The following TIGD5 variants were observed in gnomAD, a reference collection of about 807,000 sequenced individuals.
The protein encoded by TIGD5 is tigger transposable element-derived protein 5.
TIGD5 carries 24 observed loss-of-function variants against 28.8 expected under a neutral mutation model. The ratio of observed to expected loss-of-function variants is 0.83; its 90% CI spans 0.60 to 1.17. The LOEUF is 1.17. Among genes scored for constraint, TIGD5 ranks in the 50% most tolerant of loss-of-function variants. TIGD5 has a pLI of 0.00. For synonymous variants in TIGD5, 538 were observed against 430.5 expected, an observed-to-expected ratio of 1.25 and a Z score of -3.09; for missense variants, 922 against 911.4, an observed-to-expected ratio of 1.01 and a Z score of -0.15.
In TIGD5 at chr8:143,598,321, G is replaced by T; in HGVS notation, c.418G>T (p.Val140Leu). The T allele has an allele frequency of 6.2e-7, 1 of 1,608,156 alleles. No homozygotes were observed. The highest frequency in any genetic ancestry group is 8.5e-7 in the Non-Finnish European group (1 of 1,178,280). Reference sequence around the variant, plus strand: ...GTTCCTGGCGCTGCGCCAGCACGGGGTGCCGCTGTCTGGCCCGCTCATCCA... The same window carrying T: ...GTTCCTGGCGCTGCGCCAGCACGGGTTGCCGCTGTCTGGCCCGCTCATCCA... ...AWFLALRQHG[V>L]PLSGPLIQAQ... The change falls in exon 1 of 1, where the codon GTG (valine) becomes TTG (leucine). Residue 140 changes from valine (V) to leucine (L), a missense_variant. Val to Leu is a conservative substitution (Grantham distance 32). Transcript: ENST00000504548. This position sits in a 1 kb window ranked among gnomAD's most constrained non-coding sequence, Gnocchi z 6.6.
chr8:143,603,209 G>T lies in TIGD5; in HGVS notation c.*3377G>T, dbSNP rs1829297755. On this transcript the variant is annotated 3_prime_UTR_variant, in exon 1 of 1. Coordinates refer to ENST00000504548, the MANE Select transcript of TIGD5 (RefSeq NM_032862.5). ...GCTTTATCTAATAAAGGCTGGACAT[G>T]TCCACTTCATGAGCATCCCTGTTTT... 6.6e-6 allele frequency: 1 copy of T among 152,228 alleles called. No individual in the cohort carries two copies. Among genetic ancestry groups the T allele is most frequent in the Non-Finnish European group, 1.5e-5 (1 of 68,046 alleles). 9.4% of individuals were successfully genotyped at this position (152,228 alleles called of 1,614,324 possible).
rs2131392658 is a variant in TIGD5, at chr8:143,602,444, C to T, written c.*2612C>T. On this transcript the variant is annotated 3_prime_UTR_variant, in exon 1 of 1. Transcript: ENST00000504548. ...TCAGTGTCTGAAGTGATGGAAAGACCCCAGGGTTGGTGGCTGTAGCGGCCC... is the reference window on the plus strand; with the variant it reads ...TCAGTGTCTGAAGTGATGGAAAGACTCCAGGGTTGGTGGCTGTAGCGGCCC... The T allele has an allele frequency of 6.6e-6, 1 of 152,364 alleles. No homozygotes were observed. The highest frequency in any genetic ancestry group is 6.5e-5 in the Admixed American group (1 of 15,306). The allele number at this position is 152,364 out of a possible 1,614,324, so 9.4% of individuals were successfully genotyped here.
rs1234457997 is a variant in TIGD5, at chr8:143,599,912, C to T, written c.*80C>T. ...CACAGTCTCCCATCTCTCCTCCCCTCCCCCTGGGGTGGCCCACCGCATGGG... is the reference window on the plus strand; with the variant it reads ...CACAGTCTCCCATCTCTCCTCCCCTTCCCCTGGGGTGGCCCACCGCATGGG... On this transcript the variant is annotated 3_prime_UTR_variant, in exon 1 of 1. Transcript: ENST00000504548. The T allele has an allele frequency of 7.3e-7, 1 of 1,375,912 alleles. No homozygotes were observed. Among genetic ancestry groups the T allele is most frequent in the Admixed American group, 2.8e-5 (1 of 35,592 alleles). 85.2% of individuals were successfully genotyped at this position (1,375,912 alleles called of 1,614,324 possible).
In TIGD5 at chr8:143,599,622, C is replaced by A. The variant is rs375071869; in HGVS notation, c.1719C>A (p.Asp573Glu). ...CCTCTGCCATGGGGGGCGGAGAGGA[C>A]GAGGAGGAGGCCACCGACTATGGAG... is the stretch of plus-strand genomic sequence containing the variant. Reference protein sequence around the residue: ...SLPSAMGGGEDEEEATDYGGT... With the variant: ...SLPSAMGGGEEEEEATDYGGT... The change falls in exon 1 of 1, where the codon GAC (aspartate) becomes GAA (glutamate). Residue 573 changes from aspartate (D) to glutamate (E), a missense_variant. Asp to Glu is a conservative substitution (Grantham distance 45). Transcript: ENST00000504548. 10 of 1,524,476 alleles carry A rather than the reference C, an allele frequency of 6.6e-6. No homozygotes were observed. The highest frequency in any genetic ancestry group is 8.8e-6 in the Non-Finnish European group (10 of 1,138,892). 94.4% of individuals were successfully genotyped at this position (1,524,476 alleles called of 1,614,324 possible).
In TIGD5 at chr8:143,598,191, C is replaced by T. The variant is rs150713379; in HGVS notation, c.288C>T (p.Pro96=). 59 of 1,605,490 alleles carry T rather than the reference C, an allele frequency of 3.7e-5. No individual in the cohort carries two copies. The African/African-American group carries it at 7.0e-4, about 19-fold the overall frequency. ...GTLRGWLKDE[P]KLRWFLEQLG... ...TGCGCGGCTGGCTCAAGGACGAGCC[C>T]AAGCTGCGCTGGTTCCTGGAGCAGC... The change falls in exon 1 of 1, where the codon CCC becomes CCT. Residue 96 remains proline (P), a synonymous_variant. Coordinates refer to ENST00000504548, the MANE Select transcript of TIGD5 (RefSeq NM_032862.5). This position sits in a 1 kb window ranked among gnomAD's most constrained non-coding sequence, Gnocchi z 6.6.
chr8:143,599,481 G>A lies in TIGD5; in HGVS notation c.1578G>A (p.Pro526=), dbSNP rs77619415. 2.2e-3 allele frequency: 3,497 copies of A among 1,592,032 alleles called. 63 individuals are homozygous for A. The African/African-American group carries it at 0.041, about 19-fold the overall frequency. Residue 526 remains proline (P), a synonymous_variant, in exon 1 of 1, where the codon CCG becomes CCA. Coordinates refer to ENST00000504548, the MANE Select transcript of TIGD5 (RefSeq NM_032862.5). ...LAALAYKCLA[P]EEVAEWLHLD... is the part of the protein sequence containing the mutation. The stretch of plus-strand genomic sequence containing the variant: ...CTCTGGCCTACAAGTGCCTGGCTCC[G>A]GAGGAGGTTGCGGAGTGGCTGCACC...
rs370096894 is a variant in TIGD5 at position 143,600,851 on chromosome 8, C to G, written c.*1019C>G. ...TGTCAAACCCTGGTTCTGTTCTGCTCTGGCCAGGTCTAGACCTACAGTCCT... is the reference window on the plus strand; with the variant it reads ...TGTCAAACCCTGGTTCTGTTCTGCTGTGGCCAGGTCTAGACCTACAGTCCT... On this transcript the variant is annotated 3_prime_UTR_variant, in exon 1 of 1. Transcript: ENST00000504548. 5 of 152,492 alleles carry G rather than the reference C, an allele frequency of 3.3e-5. No individual in the cohort carries two copies. Among genetic ancestry groups the G allele is most frequent in the Admixed American group, 1.3e-4 (2 of 15,310 alleles). The allele number at this position is 152,492 out of a possible 1,614,324, so 9.4% of individuals were successfully genotyped here.
chr8:143,599,582 C>T lies in TIGD5; in HGVS notation c.1679C>T (p.Ala560Val), dbSNP rs746612378. The T allele has an allele frequency of 2.6e-6, 4 of 1,535,912 alleles. No individual in the cohort carries two copies. Among genetic ancestry groups the T allele is most frequent in the Non-Finnish European group, 3.5e-6 (4 of 1,144,406 alleles). Reference sequence around the variant, plus strand: ...GCCCTGCCCCCTGCAGCGCCTCCGGCCCCAGCCAGTCTGCCCTCTGCCATG... The same window carrying T: ...GCCCTGCCCCCTGCAGCGCCTCCGGTCCCAGCCAGTCTGCCCTCTGCCATG... ...GPALPPAAPP[A>V]PASLPSAMGG... Residue 560 changes from alanine to valine, a missense_variant, in exon 1 of 1, where the codon GCC becomes GTC. Physicochemically the swap from Ala to Val is moderately conservative, Grantham distance 64. This residue lies in a region of TIGD5 where 821 missense variants were observed against 815.2 expected (regional missense o/e 1.01). Transcript: ENST00000504548.
chr8:143,598,012 C>CG lies in TIGD5; in HGVS notation c.109_110insG (p.Pro37ArgfsTer72). ...CCCCGTCCCCGCTGCACGGCCGCCG[C>CG]CCCCCGCGCCCGGGCCGCGGCCCCG... On this transcript the variant is annotated frameshift_variant, in exon 1 of 1. Coordinates refer to ENST00000504548, the MANE Select transcript of TIGD5 (RefSeq NM_032862.5). LOFTEE classifies it high-confidence loss of function. The surrounding 1 kb of genome is among the most constrained non-coding windows in gnomAD (Gnocchi z 6.6). 7.8e-7 allele frequency: 1 copy of CG among 1,284,488 alleles called. No homozygotes were observed. The highest frequency in any genetic ancestry group is 9.8e-7 in the Non-Finnish European group (1 of 1,015,762). The allele number at this position is 1,284,488 out of a possible 1,614,324, so 79.6% of individuals were successfully genotyped here.
rs1829171871 is a variant in TIGD5 at position 143,598,830 on chromosome 8, C to G, written c.927C>G (p.Asp309Glu). The G allele has an allele frequency of 6.2e-7, 1 of 1,601,176 alleles. No individual in the cohort carries two copies. Among genetic ancestry groups the G allele is most frequent in the Non-Finnish European group, 8.5e-7 (1 of 1,179,598 alleles). ...DPPSLRHHNQ[D>E]KFPASYRYSP... ...CCAGCCTGCGCCACCACAACCAGGA[C>G]AAGTTCCCGGCCTCCTACCGCTACA... The change falls in exon 1 of 1, where the codon GAC becomes GAG. Residue 309 changes from aspartate to glutamate, a missense_variant. Physicochemically the swap from Asp to Glu is conservative, Grantham distance 45 (BLOSUM62 2). This residue lies in a region of TIGD5 where 821 missense variants were observed against 815.2 expected (regional missense o/e 1.01). Coordinates refer to ENST00000504548, the MANE Select transcript of TIGD5 (RefSeq NM_032862.5). The surrounding 1 kb of genome is among the most constrained non-coding windows in gnomAD (Gnocchi z 6.6).
Position 143,598,502 on chromosome 8 carries a change from G to C in TIGD5, c.599G>C (p.Gly200Ala), listed in dbSNP as rs1425133779. 23 of 1,369,244 alleles carry C rather than the reference G, an allele frequency of 1.7e-5. No individual in the cohort carries two copies. Among genetic ancestry groups the C allele is most frequent in the Non-Finnish European group, 2.0e-5 (21 of 1,067,304 alleles). The allele number at this position is 1,369,244 out of a possible 1,614,324, so 84.8% of individuals were successfully genotyped here. The change falls in exon 1 of 1, where the codon GGC (glycine) becomes GCC (alanine). Residue 200 changes from glycine to alanine, a missense_variant. Physicochemically the swap from Gly to Ala is moderately conservative, Grantham distance 60. Transcript: ENST00000504548. The surrounding 1 kb of genome is among the most constrained non-coding windows in gnomAD (Gnocchi z 6.6). The stretch of plus-strand genomic sequence containing the variant: ...CCCCCAGCCCCGAGCCCCGCGCCCG[G>C]CCCGCCCGTCAAGGAGGAGCCCGCG... ...AGPPAPSPAP[G>A]PPVKEEPALP...
In TIGD5 at chr8:143,599,386, G is replaced by A; in HGVS notation, c.1483G>A (p.Gly495Arg). Residue 495 changes from glycine (G) to arginine (R), a missense_variant, in exon 1 of 1, where the codon GGG (glycine) becomes AGG (arginine). Transcript: ENST00000504548. ...FEPRPGEDSA[G>R]QPAQAEEAAE... Reference sequence around the variant, plus strand: ...GCCCCGGCCCGGCGAGGACAGTGCTGGGCAGCCGGCCCAGGCCGAGGAAGC... The same window carrying A: ...GCCCCGGCCCGGCGAGGACAGTGCTAGGCAGCCGGCCCAGGCCGAGGAAGC... 3 of 1,568,800 alleles carry A rather than the reference G, an allele frequency of 1.9e-6. No individual in the cohort carries two copies. The highest frequency in any genetic ancestry group is 2.6e-6 in the Non-Finnish European group (3 of 1,158,040).
chr8:143,598,537 G>A lies in TIGD5; in HGVS notation c.634G>A (p.Gly212Ser). 1 of 1,307,220 alleles carries A rather than the reference G, an allele frequency of 7.6e-7. No homozygotes were observed. Among genetic ancestry groups the A allele is most frequent in the Non-Finnish European group, 9.7e-7 (1 of 1,033,632 alleles). The allele number at this position is 1,307,220 out of a possible 1,614,324, so 81.0% of individuals were successfully genotyped here. Residue 212 changes from glycine to serine, a missense_variant, in exon 1 of 1, where the codon GGC becomes AGC. Transcript: ENST00000504548. This position sits in a 1 kb window ranked among gnomAD's most constrained non-coding sequence, Gnocchi z 6.6. ...PVKEEPALPS[G>S]AGPLPDRAPA... is the part of the protein sequence containing the mutation. ...CAAGGAGGAGCCCGCGCTGCCCTCC[G>A]GCGCCGGCCCCCTGCCCGACCGCGC...
rs1179296187 is a variant in TIGD5 at position 143,599,235 on chromosome 8, C to G, written c.1332C>G (p.Ser444=). ...TGGCTGTGTCCTGCGCCAGCGGCTC[C>G]CCGCTGGACTTCATGCGCAGCTTCA... ...LRLAVSCASG[S]PLDFMRSFML... Residue 444 remains serine, a synonymous_variant, in exon 1 of 1, where the codon TCC becomes TCG. Transcript: ENST00000504548. 1 of 1,611,584 alleles carries G rather than the reference C, an allele frequency of 6.2e-7. No individual in the cohort carries two copies. The highest frequency in any genetic ancestry group is 8.5e-7 in the Non-Finnish European group (1 of 1,179,698).
At position 143,597,972 on chromosome 8, in the gene TIGD5, CGCG is replaced by C; in HGVS notation, c.70_72del (p.Ala24del). The C allele has an allele frequency of 1.1e-6, 1 of 921,004 alleles. No individual in the cohort carries two copies. The highest frequency in any genetic ancestry group is 1.8e-5 in the African/African-American group (1 of 55,488). 57.1% of individuals were successfully genotyped at this position (921,004 alleles called of 1,614,324 possible). A position where few individuals can be genotyped will look rare whatever the true frequency, so the allele number is the denominator to read the frequency against. Reference sequence around the variant, plus strand: ...GCCGCCGTCCCCTGCCCGGGCCCCCCGCGCCCGCCCCAGCCCCCGTCCCCGCTG... The same window carrying C: ...GCCGCCGTCCCCTGCCCGGGCCCCCCCCCGCCCCAGCCCCCGTCCCCGCTG... On this transcript the variant is annotated inframe_deletion, in exon 1 of 1. Coordinates refer to ENST00000504548, the MANE Select transcript of TIGD5 (RefSeq NM_032862.5).
chr8:143,599,253 C>G lies in TIGD5; in HGVS notation c.1350C>G (p.Arg450=), dbSNP rs1327934008. 5.0e-6 allele frequency: 8 copies of G among 1,611,656 alleles called. No individual in the cohort carries two copies. Among genetic ancestry groups the G allele is most frequent in the South Asian group, 1.1e-5 (1 of 90,884 alleles). Residue 450 remains arginine, a synonymous_variant, in exon 1 of 1, where the codon CGC becomes CGG. Transcript: ENST00000504548. Reference sequence around the variant, plus strand: ...GCGGCTCCCCGCTGGACTTCATGCGCAGCTTCATGCTCAAGGACATGCTCT... The same window carrying G: ...GCGGCTCCCCGCTGGACTTCATGCGGAGCTTCATGCTCAAGGACATGCTCT... ...CASGSPLDFM[R]SFMLKDMLYL... is the part of the protein sequence containing the mutation.
At position 143,599,622 on chromosome 8, in the gene TIGD5, C is replaced by T. The variant is rs375071869; in HGVS notation, c.1719C>T (p.Asp573=). ...CCTCTGCCATGGGGGGCGGAGAGGA[C>T]GAGGAGGAGGCCACCGACTATGGAG... The part of the protein sequence containing the change: ...SLPSAMGGGE[D]EEEATDYGGT... The change falls in exon 1 of 1, where the codon GAC becomes GAT. Residue 573 remains aspartate, a synonymous_variant. Coordinates refer to ENST00000504548, the MANE Select transcript of TIGD5 (RefSeq NM_032862.5). 8 of 1,524,362 alleles carry T rather than the reference C, an allele frequency of 5.2e-6. No homozygotes were observed. The highest frequency in any genetic ancestry group is 1.3e-5 in the South Asian group (1 of 77,072). 94.4% of individuals were successfully genotyped at this position (1,524,362 alleles called of 1,614,324 possible).
In TIGD5 at chr8:143,599,601, T is replaced by C. The variant is rs769394888; in HGVS notation, c.1698T>C (p.Ser566=). 6.5e-7 allele frequency: 1 copy of C among 1,531,444 alleles called. No individual in the cohort carries two copies. Among genetic ancestry groups the C allele is most frequent in the East Asian group, 2.3e-5 (1 of 43,748 alleles). The allele number at this position is 1,531,444 out of a possible 1,614,324, so 94.9% of individuals were successfully genotyped here. The change falls in exon 1 of 1, where the codon TCT becomes TCC. Residue 566 remains serine, a synonymous_variant. Transcript: ENST00000504548. ...AAPPAPASLP[S]AMGGGEDEEE... ...CTCCGGCCCCAGCCAGTCTGCCCTC[T>C]GCCATGGGGGGCGGAGAGGACGAGG...
chr8:143,599,526 GC>G lies in TIGD5; in HGVS notation c.1626del (p.Glu543ArgfsTer53), dbSNP rs34222544. The G allele has an allele frequency of 6.3e-7, 1 of 1,582,756 alleles. No individual in the cohort carries two copies. The highest frequency in any genetic ancestry group is 8.6e-7 in the Non-Finnish European group (1 of 1,165,916). ...TGCACCTGGACGATGATGGGGGTCCGCCCGAGGGCTGCAGGGAGGAGGTGGG... is the reference window on the plus strand; with the variant it reads ...TGCACCTGGACGATGATGGGGGTCCGCCGAGGGCTGCAGGGAGGAGGTGGG... ...WLHLDDDGGPPEGCREEVGPA... is the reference protein window; with the variant it reads ...WLHLDDDGGPXEGCREEVGPA... On this transcript the variant is annotated frameshift_variant, in exon 1 of 1. Coordinates refer to ENST00000504548, the MANE Select transcript of TIGD5 (RefSeq NM_032862.5). LOFTEE classifies it low-confidence loss of function (END_TRUNC).
Sources: allele counts gnomAD v4.1 joint callset, GRCh38; gene constraint gnomAD v4.1.1; regional missense constraint gnomAD v4.1.1; non-coding constraint Gnocchi (gnomAD v3.1); transcripts MANE v1.5; gene names NCBI Gene and HGNC (gene_info 2026-07-23, HGNC 2026-07-21).